Variants in AGBL3 observed in about 807,000 individuals in gnomAD.
AGBL3 encodes the protein AGBL carboxypeptidase 3.
Under a neutral mutation model 94.5 loss-of-function variants are expected in AGBL3, and 68 were observed. The observed-to-expected ratio is 0.72, with a 90% confidence interval of 0.59 to 0.88. The LOEUF (loss-of-function observed/expected upper bound fraction) is 0.88, where lower values mean the gene tolerates loss of function less well. Among genes scored for constraint, AGBL3 ranks in the 40% least tolerant of loss-of-function variants. The probability of loss-of-function intolerance (pLI) is 0.00; values close to 1 mark genes in which losing one functional copy is unlikely to be tolerated. For synonymous variants in AGBL3, 354 were observed against 370.7 expected (o/e 0.95, Z 0.52); for missense variants, 934 against 1,103.8 (o/e 0.85, Z 2.18).
In AGBL3 at chr7:135,037,457, T is replaced by G; in HGVS notation, c.1377T>G (p.Leu459=). Residue 459 remains leucine, a synonymous_variant, in exon 8 of 17, where the codon CTT becomes CTG. Transcript: ENST00000436302. ...GAGAGGTTATTTTATACTGTGATCTTCATGGCCATAGTAGGAAAGAGAACA... is the reference window on the plus strand; with the variant it reads ...GAGAGGTTATTTTATACTGTGATCTGCATGGCCATAGTAGGAAAGAGAACA... ...EKREVILYCD[L]HGHSRKENIF... The G allele has an allele frequency of 1.3e-6, 2 of 1,550,158 alleles. No homozygotes were observed. Among genetic ancestry groups the G allele is most frequent in the Non-Finnish European group, 1.7e-6 (2 of 1,146,192 alleles).
At chr7:135,091,965 A>G (rs918190124) in intron 15 of AGBL3, among the ~76,000 whole-genome samples, 5 of 152,246 alleles carry the variant, frequency 3.3e-5, no homozygotes, top group Non-Finnish European at 7.3e-5. Flanking sequence ...TGCAAGAATG[A>G]TTTCTTAAAG....
chr7:135,044,100 G>C lies in AGBL3; in HGVS notation c.1576G>C (p.Gly526Arg). The part of the protein sequence containing the change: ...GTGRVVMWKM[G>R]IRNSFTMEAT... ...AGGAAGGGTGGTAATGTGGAAAATGGGAATCAGGAACAGCTTTACCATGGA... is the reference window on the plus strand; with the variant it reads ...AGGAAGGGTGGTAATGTGGAAAATGCGAATCAGGAACAGCTTTACCATGGA... Residue 526 changes from glycine to arginine, a missense_variant, in exon 9 of 17, where the codon GGA (glycine) becomes CGA (arginine). This residue lies in a region of AGBL3 where 441 missense variants were observed against 518.2 expected (regional missense o/e 0.85). Transcript: ENST00000436302. The C allele has an allele frequency of 6.4e-7, 1 of 1,550,788 alleles. No individual in the cohort carries two copies. Among genetic ancestry groups the C allele is most frequent in the Non-Finnish European group, 8.7e-7 (1 of 1,146,252 alleles).
At chr7:135,002,152 C>T (rs182172733) in intron 4 of AGBL3, among the ~76,000 whole-genome samples, 1 of 152,224 alleles carries the variant, frequency 6.6e-6, no homozygotes, top group African/African-American at 2.4e-5. Context: ...TCCTGAAGAC[C>T]ACCCCAAGGT....
intron 4 of AGBL3, among the ~76,000 whole-genome samples, chr7:134,999,623 G>A (rs1423848699): frequency 2.6e-5 from 4 of 152,118 alleles, no homozygotes; most frequent in African/African-American, 7.2e-5. Flanking sequence ...CTACTTTAAT[G>A]TGCCCCTAAA....
At chr7:135,079,632 AT>A (rs11393217) in intron 13 of AGBL3, among the ~76,000 whole-genome samples, 2 of 140,498 alleles carry the variant, frequency 1.4e-5, no homozygotes, top group African/African-American at 2.7e-5. Context: ...CTCCCCACTA[AT>A]TTTTTTTTTT....
chr7:135,093,668 T>C (rs748480129), intron 15 of AGBL3: 10 of 152,320 alleles, frequency 6.6e-5, no homozygotes, highest in Middle Eastern at 3.4e-3. Context: ...TTAATATTGC[T>C]AGATGGCAAT....
At chr7:134,991,447 G>T (rs1425006283) in intron 3 of AGBL3, among the ~76,000 whole-genome samples, 4 of 151,778 alleles carry the variant, frequency 2.6e-5, no homozygotes, top group Non-Finnish European at 5.9e-5. Context: ...TTGTTTTCTT[G>T]TATGTGTACA....
chr7:135,119,422 G>T (rs181755654), intron 16 of AGBL3, among the ~76,000 whole-genome samples: 343 of 151,874 alleles, frequency 2.3e-3, no homozygotes, highest in Non-Finnish European at 4.2e-3. Context: ...GTAGAGACGA[G>T]GTTTTGCTGT....
At chr7:135,046,907 C>T (rs1309483999) in intron 11 of AGBL3, among the ~76,000 whole-genome samples, 1 of 151,932 alleles carries the variant, frequency 6.6e-6, no homozygotes, top group African/African-American at 2.4e-5. Flanking sequence ...GCATTGGAGT[C>T]GATTGTTACT....
intron 16 of AGBL3, among the ~76,000 whole-genome samples, chr7:135,116,284 AT>A (rs372608713): frequency 1.3e-5 from 2 of 152,324 alleles, no homozygotes; most frequent in East Asian, 3.9e-4. Context: ...CTGGAGTCAA[AT>A]CCACCTAGAC....
intron 9 of AGBL3, among the ~76,000 whole-genome samples, chr7:135,044,446 A>T (rs1455716003): frequency 3.3e-5 from 5 of 152,114 alleles, no homozygotes; most frequent in African/African-American, 7.2e-5. Context: ...CAGATTTTTT[A>T]AAAATATTTT....
intron 8 of AGBL3, among the ~76,000 whole-genome samples, chr7:135,042,903 C>A (rs1817000157): frequency 6.6e-6 from 1 of 152,036 alleles, no homozygotes; most frequent in Admixed American, 6.6e-5. Flanking sequence ...CAGAGAGAGA[C>A]CCTGTCTCAA....
At chr7:135,117,924 GA>G (rs1348141298) in intron 16 of AGBL3, among the ~76,000 whole-genome samples, 1 of 152,208 alleles carries the variant, frequency 6.6e-6, no homozygotes, top group Non-Finnish European at 1.5e-5. Context: ...GAATTGGAAT[GA>G]GAGATAGTGG....
intron 4 of AGBL3, 137 bp downstream of exon 4, chr7:134,993,815 T>A: frequency 1.3e-6 from 1 of 784,394 alleles, no homozygotes; most frequent in Non-Finnish European, 1.8e-6. Flanking sequence ...AATGTAATTT[T>A]AAATTTGCTT....
intron 11 of AGBL3, among the ~76,000 whole-genome samples, chr7:135,051,328 G>A (rs7801779): frequency 0.49 from 73,551 of 151,650 alleles, 18,192 homozygotes; most frequent in South Asian, 0.66. Flanking sequence ...TATTGGATGT[G>A]CTCTAATCAA....
At chr7:134,989,429 T>C in intron 3 of AGBL3, 119 bp downstream of exon 3, 1 of 699,888 alleles carries the variant, frequency 1.4e-6, no homozygotes, top group Non-Finnish European at 2.2e-6. Context: ...TAGTAGATTG[T>C]GAAAGAGAAC....
chr7:134,987,838 C>A, intron 1 of AGBL3, 37 bp from the exon 2 acceptor site: 2 of 872,818 alleles, frequency 2.3e-6, no homozygotes, highest in Non-Finnish European at 3.6e-6. Flanking sequence ...TAAACACCTA[C>A]AGCTTGAAAA....
chr7:135,011,919 AC>A (rs1813205402), intron 4 of AGBL3: 1 of 152,166 alleles, frequency 6.6e-6, no homozygotes, highest in African/African-American at 2.4e-5. Flanking sequence ...CCAGTTGTAT[AC>A]CTAAAACTGA....
chr7:135,099,851 G>C (rs1042342320), intron 15 of AGBL3: 36 of 139,534 alleles, frequency 2.6e-4, no homozygotes, highest in African/African-American at 9.5e-4. Context: ...ATTTATTTCT[G>C]TGCATTTAGC....
Sources: gnomAD v4.1 joint callset for allele counts (sites outside exome capture counted in the v4.1 genomes callset) on GRCh38, gnomAD v4.1.1 for gene constraint, gnomAD v4.1.1 regional missense constraint, MANE v1.5 for transcripts, NCBI Gene and HGNC (gene_info 2026-07-23, HGNC 2026-07-21) for gene names.